CLEC2L: variants seen among roughly 807,000 people sequenced by gnomAD.
CLEC2L encodes C-type lectin domain family 2, member L.
A neutral mutation model predicts 23.6 loss-of-function variants in CLEC2L; 14 were observed. The ratio of observed to expected loss-of-function variants is 0.59; its 90% confidence interval spans 0.39 to 0.93. The LOEUF (loss-of-function observed/expected upper bound fraction) is 0.93, where lower values mean the gene tolerates loss of function less well. Ranked by LOEUF, CLEC2L falls within the 40% of genes least tolerant of loss-of-function variation. The pLI is 0.00. For missense variants in CLEC2L, 264 were observed against 282.4 expected, an observed-to-expected ratio of 0.93 and a Z score of 0.47; for synonymous variants, 114 against 121.3, an observed-to-expected ratio of 0.94 and a Z score of 0.40.
At chr7:139,525,444 G>A (rs994878752) in intron 1 of CLEC2L, among the ~76,000 whole-genome samples, 1 of 152,152 alleles carries the variant, frequency 6.6e-6, no homozygotes, top group Admixed American at 6.5e-5. Flanking sequence ...CCAGACAGTG[G>A]CAGGGACAGA....
In CLEC2L at chr7:139,530,610, T is replaced by A. The variant is rs529107221; in HGVS notation, c.191-5664T>A. Among the ~76,000 whole-genome samples the A allele has an allele frequency of 3.5e-4, 53 of 152,138 alleles. 1 individual carries two copies. Among genetic ancestry groups the A allele is most frequent in the Admixed American group, 3.3e-3 (50 of 15,286 alleles). ...GGCGGATCACCTGAGGTCAGGAGTT[T>A]GAGACCAGCCCGACCAACATGGTGA... On this transcript the variant is annotated intron_variant, in intron 1 of 4. Transcript: ENST00000422142.
chr7:139,524,674 G>GGACC (rs979915700), intron 1 of CLEC2L, among the ~76,000 whole-genome samples: 5 of 152,294 alleles, frequency 3.3e-5, no homozygotes, highest in African/African-American at 1.2e-4. Context: ...CCTCAGGGAG[G>GGACC]GACCCCTGGC....
intron 2 of CLEC2L, among the ~76,000 whole-genome samples, chr7:139,537,285 A>T (rs1310319273): frequency 6.6e-6 from 1 of 152,108 alleles, no homozygotes; most frequent in East Asian, 1.9e-4. Flanking sequence ...CTGTAAATTG[A>T]ACTATCAAAG....
At chr7:139,541,010 TTTG>T (rs1255376064) in intron 3 of CLEC2L, among the ~76,000 whole-genome samples, 2 of 152,100 alleles carry the variant, frequency 1.3e-5, no homozygotes, top group Non-Finnish European at 2.9e-5. Flanking sequence ...ATAGCAAGAC[TTTG>T]TCTCTCTTTT....
In CLEC2L at chr7:139,540,537, C is replaced by T; in HGVS notation, c.432+50C>T. ...TTGGGGGAAGGGACCCTCAGGGCCC[C>T]CAACCTTGACTCTAGGGGACAGCCA... On this transcript the variant is annotated intron_variant, in intron 3 of 4. Transcript: ENST00000422142. This position sits in a 1 kb window ranked among gnomAD's most constrained non-coding sequence, Gnocchi z 5.8. 1 of 1,546,602 alleles carries T rather than the reference C, an allele frequency of 6.5e-7. No individual in the cohort carries two copies. The highest frequency in any genetic ancestry group is 1.2e-5 in the South Asian group (1 of 83,836).
intron 2 of CLEC2L, among the ~76,000 whole-genome samples, chr7:139,536,976 C>CAAAAAA (rs1159255018): frequency 2.1e-4 from 8 of 37,248 alleles, no homozygotes; most frequent in South Asian, 1.0e-3. Flanking sequence ...GACTCCATCT[C>CAAAAAA]AAAAAAAAAA....
chr7:139,534,479 GC>G, intron 1 of CLEC2L: 1 of 785,148 alleles, frequency 1.3e-6, no homozygotes, highest in Non-Finnish European at 2.4e-6. Context: ...AGACATACCA[GC>G]CTTATAAAAA....
At chr7:139,525,945 T>C (rs1797499519) in intron 1 of CLEC2L, among the ~76,000 whole-genome samples, 3 of 152,174 alleles carry the variant, frequency 2.0e-5, no homozygotes, top group Non-Finnish European at 2.9e-5. Context: ...AGCATCTTCC[T>C]GTGGTCCAGC....
At chr7:139,542,782 T>C (rs1797756028) in intron 4 of CLEC2L, among the ~76,000 whole-genome samples, 2 of 151,872 alleles carry the variant, frequency 1.3e-5, no homozygotes, top group South Asian at 4.2e-4. Context: ...GTGTGTGGTG[T>C]GGGGGTGATG....
intron 1 of CLEC2L, among the ~76,000 whole-genome samples, chr7:139,533,935 A>T (rs564741899): frequency 6.6e-6 from 1 of 152,142 alleles, no homozygotes; most frequent in Non-Finnish European, 1.5e-5. Context: ...AACATTGACT[A>T]AAAAAACACT....
intron 1 of CLEC2L, among the ~76,000 whole-genome samples, chr7:139,525,262 G>A (rs1797490984): frequency 6.6e-6 from 1 of 152,052 alleles, no homozygotes; most frequent in African/African-American, 2.4e-5. Context: ...GTCAGGGAGG[G>A]GGTGGGGCAG....
At chr7:139,538,766 CA>C (rs767056898) in intron 2 of CLEC2L, among the ~76,000 whole-genome samples, 7 of 26,378 alleles carry the variant, frequency 2.7e-4, no homozygotes, top group Non-Finnish European at 4.0e-4. Context: ...CAAAACAAAA[CA>C]AAACAAACAA....
chr7:139,543,163 G>A (rs1797762052), intron 4 of CLEC2L, among the ~76,000 whole-genome samples: 1 of 152,136 alleles, frequency 6.6e-6, no homozygotes, highest in Non-Finnish European at 1.5e-5. Flanking sequence ...CTGGAGGCAG[G>A]GGCATTCATG....
In CLEC2L at chr7:139,544,348, G is replaced by A. The variant is rs1335618445; in HGVS notation, c.*6G>A. 3 of 1,599,738 alleles carry A rather than the reference G, an allele frequency of 1.9e-6. No homozygotes were observed. The highest frequency in any genetic ancestry group is 2.2e-5 in the South Asian group (2 of 89,792). On this transcript the variant is annotated 3_prime_UTR_variant, in exon 5 of 5. Coordinates refer to ENST00000422142, the MANE Select transcript of CLEC2L (RefSeq NM_001080511.4). Reference sequence around the variant, plus strand: ...GCAAGATGGCCTATACTTGAGGTGGGTGGGGCCAGAGGTGGCCCCGCCCCT... The same window carrying A: ...GCAAGATGGCCTATACTTGAGGTGGATGGGGCCAGAGGTGGCCCCGCCCCT...
At chr7:139,524,244 G>C (rs899684694) in intron 1 of CLEC2L, 127 bp downstream of exon 1, 1 of 1,001,794 alleles carries the variant, frequency 1.0e-6, no homozygotes, top group Non-Finnish European at 1.2e-6. Flanking sequence ...GCGGCGCCGG[G>C]ACGCGGCGGA....
chr7:139,526,779 C>A (rs1797512991), intron 1 of CLEC2L, among the ~76,000 whole-genome samples: 1 of 152,248 alleles, frequency 6.6e-6, no homozygotes, highest in Non-Finnish European at 1.5e-5. Flanking sequence ...ACTCCTCTTC[C>A]CAGCTGCCTG....
rs1797469705 is a variant in CLEC2L at position 139,524,047 on chromosome 7, C to T, written c.120C>T (p.Gly40=). 8.3e-7 allele frequency: 1 copy of T among 1,210,558 alleles called. No homozygotes were observed. The allele number at this position is 1,210,558 out of a possible 1,614,324, so 75.0% of individuals were successfully genotyped here. ...CGCCCGCAGAGGCTGAGGCCCGCGG[C>T]CCCGAGGGGCTGCTGCGGCGATCCG... ...PRSPAEAEAR[G]PEGLLRRSGS... Residue 40 remains glycine, a synonymous_variant, in exon 1 of 5, where the codon GGC becomes GGT. Coordinates refer to ENST00000422142, the MANE Select transcript of CLEC2L (RefSeq NM_001080511.4).
Position 139,540,669 on chromosome 7 carries a change from G to T in CLEC2L, c.432+182G>T, listed in dbSNP as rs1167082563. Among the ~76,000 whole-genome samples the T allele has an allele frequency of 1.3e-5, 2 of 152,216 alleles. No homozygotes were observed. The highest frequency in any genetic ancestry group is 2.9e-5 in the Non-Finnish European group (2 of 68,040). On this transcript the variant is annotated intron_variant, in intron 3 of 4. Coordinates refer to ENST00000422142, the MANE Select transcript of CLEC2L (RefSeq NM_001080511.4). The surrounding 1 kb of genome is among the most constrained non-coding windows in gnomAD (Gnocchi z 5.8). ...CCTCACAGTCTGAGCAGGTCAATGA[G>T]TGGCTCCAGTTTCCACTTCCATTGT...
Position 139,539,055 on chromosome 7 carries a change from G to A in CLEC2L, c.266-1266G>A, listed in dbSNP as rs143796956. The A allele has an allele frequency of 1.7e-4, 26 of 152,358 alleles. No individual in the cohort carries two copies. The highest frequency in any genetic ancestry group is 6.0e-4 in the African/African-American group (25 of 41,572). The allele number at this position is 152,358 out of a possible 1,614,324, so 9.4% of individuals were successfully genotyped here. On this transcript the variant is annotated intron_variant, in intron 2 of 4. Coordinates refer to ENST00000422142, the MANE Select transcript of CLEC2L (RefSeq NM_001080511.4). The surrounding 1 kb of genome is among the most constrained non-coding windows in gnomAD (Gnocchi z 4.1). ...AGGGGGTGTCGATGAATGAATTGGT[G>A]TCTGTGTGGCTGGAGATCCCCAGGG... is the stretch of plus-strand genomic sequence containing the variant.
Sources: gnomAD v4.1 joint callset for allele counts (sites outside exome capture counted in the v4.1 genomes callset) on GRCh38, gnomAD v4.1.1 for gene constraint, Gnocchi (gnomAD v3.1) non-coding constraint, MANE v1.5 for transcripts, NCBI Gene and HGNC (gene_info 2026-07-23, HGNC 2026-07-21) for gene names.